Variants in UBE2K observed in about 807,000 individuals in gnomAD.
UBE2K encodes the protein ubiquitin-conjugating enzyme E2 K.
Under a neutral mutation model 30.0 loss-of-function variants are expected in UBE2K, and 6 were observed. That is an observed-to-expected ratio of 0.20 (90% CI 0.11 to 0.39). UBE2K has a LOEUF of 0.39. UBE2K is among the 10% of genes least tolerant of loss of function. The probability of loss-of-function intolerance (pLI) is 1.00; values close to 1 mark genes in which losing one functional copy is unlikely to be tolerated. For synonymous variants in UBE2K, 86 were observed against 83.7 expected (o/e 1.03, Z -0.15); for missense variants, 61 against 241.6 (o/e 0.25, Z 4.96).
At chr4:39,768,777 T>C (rs1712528333) in intron 4 of UBE2K, among the ~76,000 whole-genome samples, 2 of 152,200 alleles carry the variant, frequency 1.3e-5, no homozygotes, top group Non-Finnish European at 2.9e-5. Context: ...TTTCCTTTCC[T>C]TTACATCATC....
intron 1 of UBE2K, among the ~76,000 whole-genome samples, chr4:39,702,231 C>CTTTTCTTTTTTTTTTTTTTTTTTTTTTT (rs1718062050): frequency 1.5e-5 from 1 of 67,390 alleles, no homozygotes; most frequent in Non-Finnish European, 2.7e-5. Context: ...CTTTTCTTTT[C>CTTTTCTTTTTTTTTTTTTTTTTTTTTTT]TTTTTTTTTT....
intron 3 of UBE2K, among the ~76,000 whole-genome samples, chr4:39,753,395 TA>T (rs777333977): frequency 3.0e-4 from 45 of 152,216 alleles, no homozygotes; most frequent in Non-Finnish European, 5.7e-4. Context: ...AGCCCTATAT[TA>T]CTGTCTTACT....
At chr4:39,723,893 A>G (rs1478751739) in intron 1 of UBE2K, among the ~76,000 whole-genome samples, 1 of 151,840 alleles carries the variant, frequency 6.6e-6, no homozygotes, top group African/African-American at 2.4e-5. Context: ...GCTTATTGCT[A>G]CCTCTGCCTC....
intron 3 of UBE2K, among the ~76,000 whole-genome samples, chr4:39,751,632 G>A (rs540015986): frequency 1.3e-5 from 2 of 151,984 alleles, no homozygotes; most frequent in East Asian, 1.9e-4. Context: ...CCGAGATTGC[G>A]CCACTGCACT....
intron 1 of UBE2K, among the ~76,000 whole-genome samples, chr4:39,698,647 C>T (rs1717834737): frequency 6.6e-6 from 1 of 152,038 alleles, no homozygotes; most frequent in South Asian, 2.1e-4. Context: ...GGGGCAACTC[C>T]TCGGAGGGAT....
At chr4:39,748,087 A>G (rs1721072953) in intron 3 of UBE2K, among the ~76,000 whole-genome samples, 1 of 152,240 alleles carries the variant, frequency 6.6e-6, no homozygotes, top group African/African-American at 2.4e-5. Flanking sequence ...TGGGTGAATT[A>G]TGTCTCAGTA....
intron 4 of UBE2K, chr4:39,770,460 T>C: frequency 6.2e-7 from 1 of 1,611,542 alleles, no homozygotes; most frequent in Non-Finnish European, 8.5e-7. Flanking sequence ...CTTGGTGCAC[T>C]TGATGTTCTT....
chr4:39,706,456 C>T (rs1010723612), intron 1 of UBE2K, among the ~76,000 whole-genome samples: 6 of 150,580 alleles, frequency 4.0e-5, no homozygotes, highest in Admixed American at 1.3e-4. Flanking sequence ...AGCCACCATG[C>T]CTGGCATGCC....
chr4:39,740,037 A>C (rs1236043849), intron 2 of UBE2K, among the ~76,000 whole-genome samples: 2 of 151,980 alleles, frequency 1.3e-5, no homozygotes, highest in Non-Finnish European at 2.9e-5. Flanking sequence ...TGTTTCATTT[A>C]GTCCTTTTTG....
chr4:39,739,183 A>G (rs953039144), intron 2 of UBE2K, among the ~76,000 whole-genome samples: 1 of 151,548 alleles, frequency 6.6e-6, no homozygotes. Context: ...ACCCGCCACC[A>G]TGCCCGGCTA....
At chr4:39,700,225 A>G (rs993588739) in intron 1 of UBE2K, among the ~76,000 whole-genome samples, 2 of 152,184 alleles carry the variant, frequency 1.3e-5, no homozygotes, top group African/African-American at 2.4e-5. Context: ...GAAGATTACC[A>G]GAAATACTTG....
At chr4:39,730,640 C>T (rs372398150) in intron 1 of UBE2K, among the ~76,000 whole-genome samples, 7 of 151,838 alleles carry the variant, frequency 4.6e-5, no homozygotes, top group African/African-American at 7.2e-5. Flanking sequence ...TGGTGGTGGG[C>T]GCCTATAATT....
chr4:39,775,016 G>GC, intron 5 of UBE2K, 83 bp downstream of exon 5: 5 of 752,974 alleles, frequency 6.6e-6, no homozygotes, highest in Non-Finnish European at 9.8e-6. Context: ...TAACACATGA[G>GC]CATACTCTAT....
chr4:39,775,791 A>G (rs1309689601), intron 5 of UBE2K, among the ~76,000 whole-genome samples: 1 of 152,136 alleles, frequency 6.6e-6, no homozygotes, highest in Non-Finnish European at 1.5e-5. Context: ...AGCCATTGGA[A>G]TATAATGGAC....
chr4:39,730,340 TG>T (rs1720001092), intron 1 of UBE2K, among the ~76,000 whole-genome samples: 1 of 152,068 alleles, frequency 6.6e-6, no homozygotes, highest in African/African-American at 2.4e-5. Context: ...ACACGTTTTT[TG>T]TTTTTTTTGT....
intron 1 of UBE2K, among the ~76,000 whole-genome samples, chr4:39,712,195 CTTTTTTTTTTTTT>C (rs34711359): frequency 1.9e-4 from 11 of 58,312 alleles, no homozygotes; most frequent in African/African-American, 7.7e-4. Context: ...CACCGACAAC[CTTTTTTTTTTTTT>C]TTTTTTTTTT....
chr4:39,755,628 G>T, intron 3 of UBE2K, 29 bp from the exon 4 acceptor site: 1 of 1,527,428 alleles, frequency 6.5e-7, no homozygotes. Context: ...TTCTGTTACT[G>T]AAAAACTCAA....
chr4:39,744,986 T>C (rs1262541121), intron 2 of UBE2K, among the ~76,000 whole-genome samples: 2 of 141,262 alleles, frequency 1.4e-5, no homozygotes, highest in Non-Finnish European at 3.0e-5. Flanking sequence ...TGTCTATCTC[T>C]CTTGTTGAAT....
chr4:39,706,834 AG>A (rs80270847), intron 1 of UBE2K, among the ~76,000 whole-genome samples: 16,933 of 152,062 alleles, frequency 0.11, 1,257 homozygotes, highest in East Asian at 0.22. Flanking sequence ...TACAGGACAA[AG>A]GATAGATAAA....
Sources: gnomAD v4.1 joint callset for allele counts (sites outside exome capture counted in the v4.1 genomes callset) on GRCh38, gnomAD v4.1.1 for gene constraint, MANE v1.5 for transcripts, NCBI Gene and HGNC (gene_info 2026-07-23, HGNC 2026-07-21) for gene names.